Variants in RMDN2 observed in about 807,000 individuals in gnomAD.
RMDN2 encodes the protein regulator of microtubule dynamics protein 2.
RMDN2 carries 61 observed loss-of-function variants against 52.8 expected under a neutral mutation model. The observed-to-expected ratio is 1.16, with a 90% CI of 0.94 to 1.43. RMDN2 has a LOEUF of 1.43. Ranked by LOEUF, RMDN2 falls within the 40% of genes most tolerant of loss-of-function variation. The probability of loss-of-function intolerance (pLI) is 0.00; values close to 1 mark genes in which losing one functional copy is unlikely to be tolerated. For missense variants in RMDN2, 592 were observed against 475.3 expected (o/e 1.25, Z -2.28); for synonymous variants, 180 against 153.1 (o/e 1.18, Z -1.30).
At chr2:37,961,006 G>T (rs1359410431) in intron 2 of RMDN2, among the ~76,000 whole-genome samples, 1 of 152,162 alleles carries the variant, frequency 6.6e-6, no homozygotes, top group Non-Finnish European at 1.5e-5. Flanking sequence ...TATGAATTTT[G>T]AATATTGGCC....
chr2:38,033,611 C>G (rs965399673), intron 10 of RMDN2, among the ~76,000 whole-genome samples: 11 of 152,226 alleles, frequency 7.2e-5, no homozygotes, highest in African/African-American at 2.7e-4. Flanking sequence ...CACATTCATT[C>G]TCCGCATAGA....
intron 2 of RMDN2, among the ~76,000 whole-genome samples, chr2:37,936,072 C>G (rs1222500533): frequency 6.6e-6 from 1 of 152,108 alleles, no homozygotes; most frequent in African/African-American, 2.4e-5. Flanking sequence ...CTGACAGTCC[C>G]CGGTGTGTGA....
At chr2:37,924,296 T>G (rs1666119056), upstream of RMDN2, among the ~76,000 whole-genome samples, 1 of 152,164 alleles carries the variant, frequency 6.6e-6, no homozygotes, top group South Asian at 2.1e-4. Flanking sequence ...GTGGGAAGTT[T>G]AGAGATTAAT....
chr2:38,064,860 G>C (rs1177407725), intron 10 of RMDN2, among the ~76,000 whole-genome samples: 2 of 152,170 alleles, frequency 1.3e-5, no homozygotes, highest in Non-Finnish European at 2.9e-5. Context: ...CCATGTGTTG[G>C]TGGGGAAGTG....
rs78569430 is a variant in RMDN2, at chr2:37,951,915, G to T, written c.453-22125G>T. 2,245 of 1,613,272 alleles carry T rather than the reference G, an allele frequency of 1.4e-3. 26 individuals are homozygous for T. In the African/African-American group the frequency reaches 0.024, roughly 17 times the overall value. ...CGATCAACAAAATGGAATTGCCAAT[G>T]ATATTCAACAAAGGGGCCAATTATG... On this transcript the variant is annotated intron_variant, in intron 2 of 10. Coordinates refer to ENST00000354545, the MANE Select transcript of RMDN2 (RefSeq NM_001170791.3).
intron 10 of RMDN2, among the ~76,000 whole-genome samples, chr2:38,007,204 A>C (rs1034518164): frequency 5.9e-5 from 9 of 152,172 alleles, no homozygotes; most frequent in Admixed American, 2.0e-4. Flanking sequence ...TGGTATCAGG[A>C]TGATGCTGGC....
intron 10 of RMDN2, among the ~76,000 whole-genome samples, chr2:38,049,125 T>C (rs1219694867): frequency 1.3e-5 from 2 of 152,226 alleles, no homozygotes; most frequent in Non-Finnish European, 2.9e-5. Flanking sequence ...GGCTATCAAA[T>C]GAGTCTAGTT....
At chr2:38,043,318 C>G (rs1447242244) in intron 10 of RMDN2, among the ~76,000 whole-genome samples, 2 of 152,136 alleles carry the variant, frequency 1.3e-5, no homozygotes, top group African/African-American at 2.4e-5. Context: ...GCTACTGCAG[C>G]TTTTTTAAAT....
chr2:38,013,435 A>T (rs1159478686), intron 10 of RMDN2, among the ~76,000 whole-genome samples: 1 of 152,256 alleles, frequency 6.6e-6, no homozygotes, highest in African/African-American at 2.4e-5. Flanking sequence ...TACCAGAAAC[A>T]AACCACAAAA....
intron 6 of RMDN2, among the ~76,000 whole-genome samples, chr2:37,990,373 G>C (rs1017740925): frequency 1.3e-5 from 2 of 148,964 alleles, no homozygotes; most frequent in Admixed American, 1.3e-4. Context: ...ACAAAAATTA[G>C]CCAGGCATGG....
At chr2:38,038,689 A>G (rs947653508) in intron 10 of RMDN2, among the ~76,000 whole-genome samples, 1 of 152,188 alleles carries the variant, frequency 6.6e-6, no homozygotes, top group African/African-American at 2.4e-5. Flanking sequence ...GGCACCCAGT[A>G]AAAGCCTTTT....
intron 5 of RMDN2, 30 bp from the exon 6 acceptor site, chr2:37,989,511 A>G: frequency 6.7e-7 from 1 of 1,497,478 alleles, no homozygotes; most frequent in Non-Finnish European, 9.2e-7. Context: ...CACAGTGGCC[A>G]CTGTTTTTGT....
At chr2:38,022,203 A>G (rs1301583401), downstream of RMDN2, among the ~76,000 whole-genome samples, 6 of 152,260 alleles carry the variant, frequency 3.9e-5, no homozygotes, top group African/African-American at 1.4e-4. Context: ...ATCTGTAATG[A>G]GGCCACGTAA....
intron 2 of RMDN2, among the ~76,000 whole-genome samples, chr2:37,942,834 A>T (rs1667910374): frequency 6.6e-6 from 1 of 152,234 alleles, no homozygotes; most frequent in Admixed American, 6.5e-5. Flanking sequence ...CAGGGAACAA[A>T]GCAAAGTCTC....
chr2:38,055,804 C>T (rs1443317988), intron 10 of RMDN2, among the ~76,000 whole-genome samples: 1 of 152,164 alleles, frequency 6.6e-6, no homozygotes, highest in Non-Finnish European at 1.5e-5. Flanking sequence ...TTGCATGCCC[C>T]TGTCTATACC....
chr2:38,045,967 C>T, intron 10 of RMDN2, among the ~76,000 whole-genome samples: 1 of 152,178 alleles, frequency 6.6e-6, no homozygotes, highest in Non-Finnish European at 1.5e-5. Context: ...AGGCAAGCAA[C>T]AGAAAGACAG....
chr2:37,990,630 A>C (rs1331314613), intron 6 of RMDN2, among the ~76,000 whole-genome samples: 1 of 152,026 alleles, frequency 6.6e-6, no homozygotes, highest in African/African-American at 2.4e-5. Flanking sequence ...TGGTGGAGGA[A>C]AAGTAGGATC....
intron 4 of RMDN2, chr2:37,976,491 A>G (rs141610775): frequency 4.6e-5 from 7 of 152,314 alleles, no homozygotes; most frequent in African/African-American, 1.7e-4. Context: ...TGTAATTTTT[A>G]TTTCCAAGTA....
chr2:37,946,967 C>G (rs1668274061), intron 2 of RMDN2, among the ~76,000 whole-genome samples: 1 of 152,166 alleles, frequency 6.6e-6, no homozygotes. Context: ...ATTTCAAACC[C>G]TGGACTGTGT....
Sources: allele counts gnomAD v4.1 joint callset (sites outside exome capture counted in the v4.1 genomes callset), GRCh38; gene constraint gnomAD v4.1.1; transcripts MANE v1.5; gene names NCBI Gene and HGNC (gene_info 2026-07-23, HGNC 2026-07-21).